The following CNTNAP2 variants were observed in gnomAD, a reference collection of about 807,000 sequenced individuals.
CNTNAP2 encodes the protein contactin associated protein 2, also known as contactin-associated protein-like 2.
In CNTNAP2, 98 loss-of-function variants were observed where a neutral mutation model predicts 155.2. The ratio of observed to expected loss-of-function variants is 0.63; its 90% CI spans 0.54 to 0.75. The LOEUF (loss-of-function observed/expected upper bound fraction) is 0.75. CNTNAP2 is among the 30% of genes least tolerant of loss of function. The pLI is 0.00. For missense variants in CNTNAP2, 1,727 were observed against 1,688.1 expected (o/e 1.02, Z -0.40); for synonymous variants, 651 against 631.2 (o/e 1.03, Z -0.47).
At chr7:147,905,517 CAT>C (rs1271419168) in intron 14 of CNTNAP2, among the ~76,000 whole-genome samples, 1 of 152,242 alleles carries the variant, frequency 6.6e-6, no homozygotes, top group Non-Finnish European at 1.5e-5. Flanking sequence ...AGGAAACACA[CAT>C]GTGCACACAC....
At chr7:146,313,778 C>T (rs1393084507) in intron 1 of CNTNAP2, among the ~76,000 whole-genome samples, 1 of 152,118 alleles carries the variant, frequency 6.6e-6, no homozygotes, top group African/African-American at 2.4e-5. Context: ...GCGGGCAGAT[C>T]ACCTGAGGTC....
chr7:147,430,756 G>C (rs1450405180), intron 10 of CNTNAP2, among the ~76,000 whole-genome samples: 1 of 152,094 alleles, frequency 6.6e-6, no homozygotes, highest in Non-Finnish European at 1.5e-5. Flanking sequence ...AGAGAACTCA[G>C]AGTAGGTAAG....
intron 3 of CNTNAP2, among the ~76,000 whole-genome samples, chr7:146,922,142 T>C (rs1000722296): frequency 2.0e-5 from 3 of 151,996 alleles, no homozygotes; most frequent in African/African-American, 4.8e-5. Flanking sequence ...CATACACATA[T>C]ATATATAAAA....
chr7:147,231,615 A>T (rs1018966238), intron 8 of CNTNAP2, among the ~76,000 whole-genome samples: 19 of 152,142 alleles, frequency 1.2e-4, no homozygotes, highest in Non-Finnish European at 2.2e-4. Flanking sequence ...TGTCTTTTTG[A>T]TAACCATCCC....
chr7:146,751,149 TAATA>T (rs1801896292), intron 1 of CNTNAP2, among the ~76,000 whole-genome samples: 1 of 152,172 alleles, frequency 6.6e-6, no homozygotes. Context: ...GCAGATATAT[TAATA>T]AATTTAAAGA....
chr7:148,272,812 C>T (rs966935261), intron 21 of CNTNAP2, among the ~76,000 whole-genome samples: 2 of 151,890 alleles, frequency 1.3e-5, no homozygotes, highest in Admixed American at 6.6e-5. Context: ...ATGTCCAGAG[C>T]GAGGGTATTA....
intron 12 of CNTNAP2, among the ~76,000 whole-genome samples, chr7:147,625,638 A>G (rs1433829832): frequency 6.6e-6 from 1 of 152,180 alleles, no homozygotes; most frequent in Non-Finnish European, 1.5e-5. Flanking sequence ...AAGATGGCAG[A>G]TAGGAGATAG....
rs1430955015 is a variant in CNTNAP2 at position 148,217,584 on chromosome 7, C to G, written c.3247+60C>G. The G allele has an allele frequency of 1.0e-5, 16 of 1,534,214 alleles. 1 individual carries two copies. The highest frequency in any genetic ancestry group is 1.7e-4 in the Middle Eastern group (1 of 5,924). ...CATTTGGGCAGACAGAATGTTCTAG[C>G]AAGAGTCTATAGATTGTTCTTGGTT... On this transcript the variant is annotated intron_variant, in intron 19 of 23. Coordinates refer to ENST00000361727, the MANE Select transcript of CNTNAP2 (RefSeq NM_014141.6).
At chr7:146,155,729 C>A (rs1034591729) in intron 1 of CNTNAP2, among the ~76,000 whole-genome samples, 2 of 150,914 alleles carry the variant, frequency 1.3e-5, no homozygotes, top group Admixed American at 1.3e-4. Flanking sequence ...AATGGAGTCT[C>A]GCTCTTGTCG....
chr7:146,268,445 G>A (rs909614354), intron 1 of CNTNAP2, among the ~76,000 whole-genome samples: 2 of 152,114 alleles, frequency 1.3e-5, no homozygotes, highest in African/African-American at 4.8e-5. Flanking sequence ...TCTTCATGTT[G>A]CAAAGGAATT....
chr7:148,242,475 G>A (rs983772008), intron 20 of CNTNAP2, among the ~76,000 whole-genome samples: 2 of 152,216 alleles, frequency 1.3e-5, no homozygotes, highest in Admixed American at 6.5e-5. Flanking sequence ...GTCATTAGCT[G>A]TAACCAGTGA....
At chr7:148,274,780 T>C (rs1454579638) in intron 21 of CNTNAP2, among the ~76,000 whole-genome samples, 9 of 152,236 alleles carry the variant, frequency 5.9e-5, no homozygotes, top group African/African-American at 1.9e-4. Flanking sequence ...GATGTTTCTT[T>C]ATAGCAGTGC....
chr7:147,109,752 C>T (rs991107094), intron 5 of CNTNAP2, among the ~76,000 whole-genome samples: 9 of 151,892 alleles, frequency 5.9e-5, no homozygotes, highest in African/African-American at 1.4e-4. Context: ...GAATGAAAGG[C>T]GTTAAGTAAA....
At chr7:147,838,231 C>T (rs910307436) in intron 13 of CNTNAP2, among the ~76,000 whole-genome samples, 4 of 152,228 alleles carry the variant, frequency 2.6e-5, no homozygotes, top group Middle Eastern at 3.4e-3. Flanking sequence ...GGCCACCCCA[C>T]GAAACCATTT....
chr7:148,320,376 CTTTTTTT>C lies in CNTNAP2; in HGVS notation c.3475+53269_3475+53275del, dbSNP rs67424217. 8.1e-3 allele frequency among the ~76,000 whole-genome samples: 512 copies of C among 63,426 alleles called. 2 individuals carry two copies. Among genetic ancestry groups the C allele is most frequent in the African/African-American group, 0.025 (471 of 18,632 alleles). The allele number at this position is 63,426 out of a possible 152,430, so 41.6% of individuals were successfully genotyped here. On this transcript the variant is annotated intron_variant, in intron 21 of 23. Coordinates refer to ENST00000361727, the MANE Select transcript of CNTNAP2 (RefSeq NM_014141.6). ...GAGACCTAACAAAGAATTTTTTTTT[CTTTTTTT>C]TTTTTTTTTTTTTTTTTTGAGATGG...
At chr7:147,324,004 T>C (rs537644835) in intron 9 of CNTNAP2, among the ~76,000 whole-genome samples, 1 of 150,692 alleles carries the variant, frequency 6.6e-6, no homozygotes, top group African/African-American at 2.5e-5. Context: ...CAAAGGATTA[T>C]ACATTTCTTA....
chr7:147,074,978 T>C (rs1473989792), intron 4 of CNTNAP2, among the ~76,000 whole-genome samples: 1 of 152,170 alleles, frequency 6.6e-6, no homozygotes, highest in Non-Finnish European at 1.5e-5. Flanking sequence ...TGGATGAGGA[T>C]TAAATTGAGA....
intron 13 of CNTNAP2, among the ~76,000 whole-genome samples, chr7:147,727,999 A>G (rs1054266232): frequency 3.9e-5 from 6 of 152,016 alleles, no homozygotes; most frequent in Admixed American, 6.6e-5. Flanking sequence ...ACCTAGTGGT[A>G]CAAATGAGAC....
chr7:146,799,695 T>C (rs754501926), intron 2 of CNTNAP2, among the ~76,000 whole-genome samples: 2 of 152,206 alleles, frequency 1.3e-5, no homozygotes, highest in Non-Finnish European at 2.9e-5. Context: ...AAAATTACCA[T>C]AGTGGTTAAG....
Sources: allele counts gnomAD v4.1 joint callset (sites outside exome capture counted in the v4.1 genomes callset), GRCh38; gene constraint gnomAD v4.1.1; transcripts MANE v1.5; gene names NCBI Gene and HGNC (gene_info 2026-07-23, HGNC 2026-07-21).